The following SCARB2 variants were observed in gnomAD, a reference collection of about 807,000 sequenced individuals.
SCARB2 encodes the protein scavenger receptor class B member 2.
In SCARB2, 29 loss-of-function variants were observed where a neutral mutation model predicts 58.6. The ratio of observed to expected loss-of-function variants is 0.49; its 90% CI spans 0.37 to 0.67. The LOEUF is 0.67. Ranked by LOEUF, SCARB2 falls within the 30% of genes least tolerant of loss-of-function variation. The pLI is 0.00. For missense variants in SCARB2, 488 were observed against 578.5 expected (o/e 0.84, Z 1.60); for synonymous variants, 195 against 210.1 (o/e 0.93, Z 0.62).
rs764687821 is a variant in SCARB2, at chr4:76,175,831, T to C, written c.784A>G (p.Lys262Glu). ...GGGAAGACATAAAGGACCTCATCTTTGGTTATTAGTGGGTGAAAAGAATCT... is the reference window on the plus strand; with the variant it reads ...GGGAAGACATAAAGGACCTCATCTTCGGTTATTAGTGGGTGAAAAGAATCT... ...DGDSFHPLITKDEVLYVFPSD... is the reference protein window; with the variant it reads ...DGDSFHPLITEDEVLYVFPSD... The change falls in exon 6 of 12, where the codon AAA becomes GAA. Residue 262 changes from lysine (K) to glutamate (E), a missense_variant. By Grantham distance (56) the Lys-to-Glu change is moderately conservative. Transcript: ENST00000264896. 2 of 1,614,068 alleles carry C rather than the reference T, an allele frequency of 1.2e-6. No individual in the cohort carries two copies. Among genetic ancestry groups the C allele is most frequent in the South Asian group, 2.2e-5 (2 of 91,072 alleles).
At chr4:76,177,439 G>A (rs1489009864) in intron 4 of SCARB2, among the ~76,000 whole-genome samples, 1 of 152,028 alleles carries the variant, frequency 6.6e-6, no homozygotes, top group African/African-American at 2.4e-5. Flanking sequence ...TGCAGTCACT[G>A]CAGAAAACAG....
intron 3 of SCARB2, chr4:76,180,193 G>A: frequency 5.4e-6 from 1 of 184,072 alleles, no homozygotes; most frequent in Non-Finnish European, 1.2e-5. Flanking sequence ...GTTGGTGTAG[G>A]TGAATTAGAA....
At chr4:76,224,532 G>A (rs953310352) in intron 1 of SCARB2, among the ~76,000 whole-genome samples, 1 of 152,130 alleles carries the variant, frequency 6.6e-6, no homozygotes, top group Non-Finnish European at 1.5e-5. Flanking sequence ...TAAAAGGGCA[G>A]AGAAAGAATA....
At chr4:76,190,674 C>T (rs111899560) in intron 2 of SCARB2, among the ~76,000 whole-genome samples, 17 of 152,154 alleles carry the variant, frequency 1.1e-4, no homozygotes, top group African/African-American at 3.6e-4. Flanking sequence ...ATCCCAGCTA[C>T]GGGGGAGGCT....
In SCARB2 at chr4:76,213,594, C is replaced by G; in HGVS notation, c.-51G>C. The stretch of plus-strand genomic sequence containing the variant: ...CGGGCCGCACCCGCCAGGGATCCAA[C>G]TGCAAGGAGGGAGGAGCCGCCGCAG... On this transcript the variant is annotated 5_prime_UTR_variant, in exon 1 of 12. Transcript: ENST00000264896. 3.3e-6 allele frequency: 5 copies of G among 1,495,566 alleles called. No homozygotes were observed. Among genetic ancestry groups the G allele is most frequent in the Non-Finnish European group, 4.6e-6 (5 of 1,078,198 alleles). The allele number at this position is 1,495,566 out of a possible 1,614,324, so 92.6% of individuals were successfully genotyped here. A position where few individuals can be genotyped will look rare whatever the true frequency, so the allele number is the denominator to read the frequency against.
rs930404085 is a variant in SCARB2, at chr4:76,196,300, C to A, written c.118-436G>T. Among the ~76,000 whole-genome samples the A allele has an allele frequency of 5.3e-5, 8 of 152,234 alleles. No individual in the cohort carries two copies. The East Asian group carries it at 1.5e-3, about 29-fold the overall frequency. On this transcript the variant is annotated intron_variant, in intron 1 of 11. Coordinates refer to ENST00000264896, the MANE Select transcript of SCARB2 (RefSeq NM_005506.4). ...CCTGGGAGGTGGAGGTTGCAGTGAG[C>A]CAAGATCGTGCCACTGCACTCCAGC...
Position 76,158,961 on chromosome 4 carries a change from A to C in SCARB2, c.*2752T>G, listed in dbSNP as rs1731838652. 1 of 152,210 alleles carries C rather than the reference A, an allele frequency of 6.6e-6. No homozygotes were observed. The highest frequency in any genetic ancestry group is 1.5e-5 in the Non-Finnish European group (1 of 68,042). 9.4% of individuals were successfully genotyped at this position (152,210 alleles called of 1,614,324 possible). On this transcript the variant is annotated 3_prime_UTR_variant, in exon 12 of 12. Transcript: ENST00000264896. ...CATATCTCGAGCAGTTTAAATTAAA[A>C]ATTAGCCTCCCTTAAGTTAAAAACC...
chr4:76,186,354 C>T (rs1355674139), intron 2 of SCARB2, among the ~76,000 whole-genome samples: 1 of 151,986 alleles, frequency 6.6e-6, no homozygotes, highest in Non-Finnish European at 1.5e-5. Flanking sequence ...GAGGAGGACA[C>T]GCTTTAAAAG....
intron 1 of SCARB2, among the ~76,000 whole-genome samples, chr4:76,199,413 T>C (rs1387511753): frequency 1.3e-5 from 2 of 152,230 alleles, no homozygotes; most frequent in African/African-American, 2.4e-5. Context: ...TTTTTATTCA[T>C]AGGAGATGCA....
Position 76,189,476 on chromosome 4 carries a change from G to GTTGTTA in SCARB2, c.275+6230_275+6231insTAACAA, listed in dbSNP as rs1312075200. Among the ~76,000 whole-genome samples the GTTGTTA allele has an allele frequency of 6.9e-5, 10 of 145,086 alleles. No homozygotes were observed. The East Asian group carries it at 1.9e-3, about 28-fold the overall frequency. ...CCAGCAAAAGGGTTTTTGTTTGTCT[G>GTTGTTA]TTGTTGTTGTTGTTGTTGTTGTTTG... On this transcript the variant is annotated intron_variant, in intron 2 of 11. Transcript: ENST00000264896.
chr4:76,170,971 T>TATATATATATATATATATATAA (rs34900504), intron 7 of SCARB2, among the ~76,000 whole-genome samples: 83 of 133,878 alleles, frequency 6.2e-4, no homozygotes, highest in South Asian at 1.6e-3. Context: ...TATATATATA[T>TATATATATATATATATATATAA]AACCAAATAG....
Position 76,213,720 on chromosome 4 carries a change from C to G in SCARB2, c.-177G>C. Reference sequence around the variant, plus strand: ...GCTCCGCGGCCTGGCGAGCGCGGCCCCGGGTGCACCGGGCGGATGGGGCCG... The same window carrying G: ...GCTCCGCGGCCTGGCGAGCGCGGCCGCGGGTGCACCGGGCGGATGGGGCCG... On this transcript the variant is annotated 5_prime_UTR_variant, in exon 1 of 12. Coordinates refer to ENST00000264896, the MANE Select transcript of SCARB2 (RefSeq NM_005506.4). 1 of 508,762 alleles carries G rather than the reference C, an allele frequency of 2.0e-6. No homozygotes were observed. The highest frequency in any genetic ancestry group is 3.4e-6 in the Non-Finnish European group (1 of 291,694). The allele number at this position is 508,762 out of a possible 1,614,324, so 31.5% of individuals were successfully genotyped here.
chr4:76,197,166 C>A (rs1255919242), intron 1 of SCARB2, among the ~76,000 whole-genome samples: 1 of 152,200 alleles, frequency 6.6e-6, no homozygotes, highest in Non-Finnish European at 1.5e-5. Flanking sequence ...GTTGCTTAAG[C>A]CACCCAGTCT....
In SCARB2 at chr4:76,164,803, AAAAAG is replaced by A. The variant is rs1731968376; in HGVS notation, c.1240-1425_1240-1421del. Reference sequence around the variant, plus strand: ...TGAGACCTTGTCTCAAAAAAAAAAAAAAAAGAAAAGAAAGCATTTTTTTTCATTGG... The same window carrying A: ...TGAGACCTTGTCTCAAAAAAAAAAAAAAAAGAAAGCATTTTTTTTCATTGG... On this transcript the variant is annotated intron_variant, in intron 10 of 11. Coordinates refer to ENST00000264896, the MANE Select transcript of SCARB2 (RefSeq NM_005506.4). 9 of 152,172 alleles carry A rather than the reference AAAAAG, an allele frequency of 5.9e-5. No individual in the cohort carries two copies. The South Asian group carries it at 1.9e-3, about 32-fold the overall frequency. The allele number at this position is 152,172 out of a possible 1,614,324, so 9.4% of individuals were successfully genotyped here.
rs1383089773 is a variant in SCARB2 at position 76,168,388 on chromosome 4, A to G, written c.1187+15T>C. The G allele has an allele frequency of 6.2e-7, 1 of 1,610,842 alleles. No homozygotes were observed. The highest frequency in any genetic ancestry group is 8.5e-7 in the Non-Finnish European group (1 of 1,176,984). On this transcript the variant is annotated intron_variant, in intron 9 of 11. Coordinates refer to ENST00000264896, the MANE Select transcript of SCARB2 (RefSeq NM_005506.4). ...CAAAACTGCTGTCCCCTCCATAGAA[A>G]GAAGCAAAACTTACACAAAGTCATC...
At chr4:76,189,171 C>T (rs1342188390) in intron 2 of SCARB2, among the ~76,000 whole-genome samples, 1 of 152,190 alleles carries the variant, frequency 6.6e-6, no homozygotes, top group Non-Finnish European at 1.5e-5. Flanking sequence ...AGGACTTGGT[C>T]ACTGCACCCC....
rs74438684 is a variant in SCARB2 at position 76,168,322 on chromosome 4, G to C, written c.1187+81C>G. On this transcript the variant is annotated intron_variant, in intron 9 of 11. Coordinates refer to ENST00000264896, the MANE Select transcript of SCARB2 (RefSeq NM_005506.4). ...TGAGCAGGCTTAGATGAAGTAGGCT[G>C]TACTCCTCCTGACATCAACCCCACC... is the stretch of plus-strand genomic sequence containing the variant. 6.2e-3 allele frequency: 6,606 copies of C among 1,060,508 alleles called. 263 individuals carry two copies. The African/African-American group carries it at 0.091, about 15-fold the overall frequency. The allele number at this position is 1,060,508 out of a possible 1,614,324, so 65.7% of individuals were successfully genotyped here. A position where few individuals can be genotyped will look rare whatever the true frequency, so the allele number is the denominator to read the frequency against.
chr4:76,181,157 C>CT, intron 2 of SCARB2, 56 bp from the exon 3 acceptor site: 1 of 1,537,636 alleles, frequency 6.5e-7, no homozygotes, highest in Non-Finnish European at 8.9e-7. Flanking sequence ...ATAAGCAAGA[C>CT]TTTTCCTTTC....
rs1274722630 is a variant in SCARB2, at chr4:76,179,588, T to G, written c.541A>C (p.Lys181Gln). 1.2e-6 allele frequency: 2 copies of G among 1,614,210 alleles called. No individual in the cohort carries two copies. Among genetic ancestry groups the G allele is most frequent in the Admixed American group, 1.7e-5 (1 of 60,036 alleles). The change falls in exon 4 of 12, where the codon AAA (lysine) becomes CAA (glutamine). Residue 181 changes from lysine to glutamine, a missense_variant. Transcript: ENST00000264896. ...TGGATAAGGGACAAGATTTCATCTT[T>G]GTAGCCCCAGAGCAATTCGTCAACT... ...HTVDELLWGY[K>Q]DEILSLIHVF...
Sources: allele counts gnomAD v4.1 joint callset (sites outside exome capture counted in the v4.1 genomes callset), GRCh38; gene constraint gnomAD v4.1.1; transcripts MANE v1.5; gene names NCBI Gene and HGNC (gene_info 2026-07-23, HGNC 2026-07-21).